PHLPP1: variants seen among roughly 807,000 people sequenced by gnomAD.
PHLPP1 encodes the protein PH domain and leucine rich repeat protein phosphatase 1.
Under a neutral mutation model 117.2 loss-of-function variants are expected in PHLPP1, and 42 were observed. That is an observed-to-expected ratio of 0.36 (90% CI 0.28 to 0.46). The LOEUF (loss-of-function observed/expected upper bound fraction) is 0.46. PHLPP1 is among the 20% of genes least tolerant of loss of function. The pLI, the probability that PHLPP1 is intolerant of heterozygous loss-of-function variation, is 1.00. For missense variants in PHLPP1, 2,084 were observed against 2,241.9 expected, an observed-to-expected ratio of 0.93 and a Z score of 1.42; for synonymous variants, 1,042 against 970.7, an observed-to-expected ratio of 1.07 and a Z score of -1.37.
intron 1 of PHLPP1, among the ~76,000 whole-genome samples, chr18:62,826,627 C>T (rs1436451725): frequency 6.6e-6 from 1 of 151,788 alleles, no homozygotes; most frequent in African/African-American, 2.4e-5. Flanking sequence ...CTTTTTTGCC[C>T]CCTCTTTAAA....
chr18:62,784,500 G>C (rs1410182483), intron 1 of PHLPP1, among the ~76,000 whole-genome samples: 2 of 152,230 alleles, frequency 1.3e-5, no homozygotes, highest in African/African-American at 4.8e-5. Context: ...AGGAAGAGAA[G>C]TTTAAGGGCT....
intron 1 of PHLPP1, among the ~76,000 whole-genome samples, chr18:62,784,664 C>G (rs957102613): frequency 6.6e-6 from 1 of 152,188 alleles, no homozygotes; most frequent in Non-Finnish European, 1.5e-5. Context: ...TGCTTCAGTA[C>G]GTGTTAACGT....
At chr18:62,873,085 A>G (rs1411558965) in intron 4 of PHLPP1, among the ~76,000 whole-genome samples, 1 of 151,950 alleles carries the variant, frequency 6.6e-6, no homozygotes, top group African/African-American at 2.4e-5. Context: ...TCCTTATGCC[A>G]AAGTGGTATA....
chr18:62,763,530 G>C (rs1040652641), intron 1 of PHLPP1, among the ~76,000 whole-genome samples: 2 of 152,082 alleles, frequency 1.3e-5, no homozygotes, highest in Non-Finnish European at 2.9e-5. Context: ...AACTGCTGTC[G>C]CTCATCGCAC....
chr18:62,924,137 G>A (rs1171219798), intron 10 of PHLPP1, among the ~76,000 whole-genome samples: 3 of 152,162 alleles, frequency 2.0e-5, no homozygotes, highest in Non-Finnish European at 2.9e-5. Flanking sequence ...TAGGCTCATG[G>A]TATAATGAGC....
At chr18:62,822,555 AT>A (rs1345024649) in intron 1 of PHLPP1, among the ~76,000 whole-genome samples, 1 of 152,056 alleles carries the variant, frequency 6.6e-6, no homozygotes, top group Non-Finnish European at 1.5e-5. Flanking sequence ...CAGTACTGGG[AT>A]TACAGGCGTG....
chr18:62,903,830 AC>A (rs1292618802), intron 7 of PHLPP1, among the ~76,000 whole-genome samples: 2 of 152,120 alleles, frequency 1.3e-5, no homozygotes, highest in African/African-American at 4.8e-5. Flanking sequence ...TGATATATGC[AC>A]AAGAAGGACA....
At chr18:62,741,141 C>G (rs537028534) in intron 1 of PHLPP1, among the ~76,000 whole-genome samples, 3 of 152,258 alleles carry the variant, frequency 2.0e-5, no homozygotes, top group South Asian at 4.2e-4. Flanking sequence ...ATTGCTCACT[C>G]TTCATATGAT....
intron 4 of PHLPP1, among the ~76,000 whole-genome samples, chr18:62,865,691 A>G (rs1189049584): frequency 6.6e-6 from 1 of 152,240 alleles, no homozygotes; most frequent in Admixed American, 6.5e-5. Flanking sequence ...ATACCATGGA[A>G]TACTATGCAG....
chr18:62,836,457 A>G (rs1237672601), intron 2 of PHLPP1, among the ~76,000 whole-genome samples: 1 of 146,160 alleles, frequency 6.8e-6, no homozygotes, highest in African/African-American at 2.5e-5. Flanking sequence ...ATAAATAAAT[A>G]AATAAATAAA....
intron 3 of PHLPP1, among the ~76,000 whole-genome samples, chr18:62,841,016 A>C (rs1435971866): frequency 6.6e-6 from 1 of 152,082 alleles, no homozygotes; most frequent in East Asian, 1.9e-4. Context: ...CAGTCTCCTG[A>C]GTAGCTGAGA....
rs79420351 is a variant in PHLPP1, at chr18:62,802,928, C to T, written c.1577-27107C>T. ...TCAGGCAGGGCAAGTTGGTAAGGAACGGCATGTTGGAACCAGGGAGAAGCT... is the reference window on the plus strand; with the variant it reads ...TCAGGCAGGGCAAGTTGGTAAGGAATGGCATGTTGGAACCAGGGAGAAGCT... On this transcript the variant is annotated intron_variant, in intron 1 of 16. Transcript: ENST00000262719. 5.3e-3 allele frequency among the ~76,000 whole-genome samples: 803 copies of T among 152,162 alleles called. 12 individuals carry two copies. The highest frequency in any genetic ancestry group is 0.018 in the African/African-American group (766 of 41,512).
chr18:62,790,470 T>G (rs1479526140), intron 1 of PHLPP1, among the ~76,000 whole-genome samples: 1 of 152,162 alleles, frequency 6.6e-6, no homozygotes, highest in Non-Finnish European at 1.5e-5. Context: ...GCAGGACAAG[T>G]TATGACATAT....
chr18:62,956,290 A>G (rs1910609284), intron 12 of PHLPP1, among the ~76,000 whole-genome samples: 1 of 152,190 alleles, frequency 6.6e-6, no homozygotes, highest in Non-Finnish European at 1.5e-5. Flanking sequence ...TTTCTCATAG[A>G]TAGTTCCTTC....
intron 4 of PHLPP1, among the ~76,000 whole-genome samples, chr18:62,887,555 C>T (rs192531135): frequency 6.6e-6 from 1 of 152,220 alleles, no homozygotes; most frequent in Non-Finnish European, 1.5e-5. Flanking sequence ...ATGCAGCTTT[C>T]CTCCTTTCGT....
intron 1 of PHLPP1, among the ~76,000 whole-genome samples, chr18:62,807,621 C>T (rs1255769492): frequency 1.3e-5 from 2 of 152,216 alleles, no homozygotes; most frequent in Non-Finnish European, 2.9e-5. Context: ...GCTTACTCCA[C>T]ACCTCTCTAT....
At chr18:62,805,144 C>G (rs914326941) in intron 1 of PHLPP1, among the ~76,000 whole-genome samples, 4 of 141,072 alleles carry the variant, frequency 2.8e-5, no homozygotes, top group African/African-American at 1.0e-4. Context: ...TATACATATA[C>G]AGTATAATAT....
chr18:62,895,233 A>C, intron 5 of PHLPP1, 76 bp downstream of exon 5: 1 of 1,447,358 alleles, frequency 6.9e-7, no homozygotes, highest in Non-Finnish European at 9.5e-7. Flanking sequence ...GGCACATGAG[A>C]TTAGTTAACT....
At chr18:62,751,789 C>T (rs1392372189) in intron 1 of PHLPP1, among the ~76,000 whole-genome samples, 4 of 152,234 alleles carry the variant, frequency 2.6e-5, no homozygotes, top group Middle Eastern at 3.4e-3. Flanking sequence ...GGTCTTTCCC[C>T]TCCTCCATTT....
Sources: gnomAD v4.1 joint callset for allele counts (sites outside exome capture counted in the v4.1 genomes callset) on GRCh38, gnomAD v4.1.1 for gene constraint, MANE v1.5 for transcripts, NCBI Gene and HGNC (gene_info 2026-07-23, HGNC 2026-07-21) for gene names.